The following FAM193A variants were observed in gnomAD, a reference collection of about 807,000 sequenced individuals.
FAM193A encodes protein FAM193A.
In FAM193A, 22 loss-of-function variants were observed where a neutral mutation model predicts 126.5. The ratio of observed to expected loss-of-function variants is 0.17; its 90% CI spans 0.12 to 0.25. FAM193A has a LOEUF of 0.25. FAM193A is among the 10% of genes least tolerant of loss of function. FAM193A has a pLI of 1.00. For synonymous variants in FAM193A, 761 were observed against 646.8 expected (o/e 1.18, Z -2.68); for missense variants, 1,675 against 1,672.8 (o/e 1.00, Z -0.02).
At chr4:2,698,318 C>T (rs543233499) in intron 18 of FAM193A, among the ~76,000 whole-genome samples, 6 of 152,302 alleles carry the variant, frequency 3.9e-5, no homozygotes, top group Admixed American at 3.9e-4. Flanking sequence ...GAGAGGATGC[C>T]AACTGGCCAG....
chr4:2,565,103 G>A (rs1272570963), intron 1 of FAM193A, among the ~76,000 whole-genome samples: 1 of 151,932 alleles, frequency 6.6e-6, no homozygotes, highest in Non-Finnish European at 1.5e-5. Flanking sequence ...ACCTGGCTAC[G>A]TGGGTATTTT....
chr4:2,629,092 G>A (rs1212480326), intron 4 of FAM193A, among the ~76,000 whole-genome samples: 1 of 151,858 alleles, frequency 6.6e-6, no homozygotes, highest in Admixed American at 6.6e-5. Flanking sequence ...CTCCCAAAGT[G>A]CTGGGATTAT....
At chr4:2,649,677 G>GA (rs1161458731) in intron 7 of FAM193A, among the ~76,000 whole-genome samples, 1 of 151,968 alleles carries the variant, frequency 6.6e-6, no homozygotes, top group Non-Finnish European at 1.5e-5. Context: ...CTCAAAAAAT[G>GA]AAAAAAATAT....
intron 13 of FAM193A, among the ~76,000 whole-genome samples, chr4:2,689,084 A>G (rs1013927624): frequency 2.6e-5 from 4 of 152,254 alleles, no homozygotes; most frequent in Non-Finnish European, 5.9e-5. Flanking sequence ...TGGGTATAAG[A>G]GGTCAGTGTA....
chr4:2,554,576 T>A (rs962147735), intron 1 of FAM193A, among the ~76,000 whole-genome samples: 1 of 152,216 alleles, frequency 6.6e-6, no homozygotes, highest in African/African-American at 2.4e-5. Context: ...TTAGATCCAG[T>A]TGGCTGATAG....
chr4:2,589,347 G>A (rs1027267333), intron 1 of FAM193A, among the ~76,000 whole-genome samples: 3 of 152,150 alleles, frequency 2.0e-5, no homozygotes, highest in Non-Finnish European at 4.4e-5. Flanking sequence ...AAAAACAGTT[G>A]CAGTTTTCAT....
At chr4:2,725,142 G>A (rs1465179400) in intron 20 of FAM193A, among the ~76,000 whole-genome samples, 1 of 151,988 alleles carries the variant, frequency 6.6e-6, no homozygotes, top group Non-Finnish European at 1.5e-5. Flanking sequence ...GCCTCCCAAA[G>A]TGCTGGGATT....
intron 9 of FAM193A, 29 bp downstream of exon 9, chr4:2,659,699 C>G: frequency 6.2e-7 from 1 of 1,610,590 alleles, no homozygotes; most frequent in South Asian, 1.1e-5. Context: ...GTCAGCACGA[C>G]TGGCCCATTG....
chr4:2,604,791 CTTTTTT>C (rs869148370), intron 2 of FAM193A, among the ~76,000 whole-genome samples: 3,675 of 99,598 alleles, frequency 0.037, 46 homozygotes, highest in South Asian at 0.078. Flanking sequence ...TTTCTTTTTC[CTTTTTT>C]TTTTTTTTTT....
At chr4:2,717,454 G>A (rs1337307727) in intron 20 of FAM193A, among the ~76,000 whole-genome samples, 1 of 151,972 alleles carries the variant, frequency 6.6e-6, no homozygotes, top group Non-Finnish European at 1.5e-5. Context: ...AAATTACCTG[G>A]ACGTGGTGAC....
chr4:2,703,183 G>A (rs55993221), intron 19 of FAM193A, among the ~76,000 whole-genome samples: 2 of 151,998 alleles, frequency 1.3e-5, no homozygotes, highest in Non-Finnish European at 2.9e-5. Flanking sequence ...TAAAGTGTAC[G>A]ATGATTTCTG....
intron 2 of FAM193A, among the ~76,000 whole-genome samples, chr4:2,617,229 G>T (rs1218923592): frequency 2.6e-5 from 2 of 76,954 alleles, no homozygotes; most frequent in Non-Finnish European, 4.6e-5. Flanking sequence ...TTGGTCAGAA[G>T]TATGTTTTTA....
At chr4:2,659,706 A>G (rs761440733) in intron 9 of FAM193A, 36 bp downstream of exon 9, 4 of 1,611,646 alleles carry the variant, frequency 2.5e-6, no homozygotes, top group Non-Finnish European at 8.5e-7. Flanking sequence ...CGACTGGCCC[A>G]TTGGACCTTC....
At chr4:2,628,642 C>CA (rs1293977826) in intron 4 of FAM193A, among the ~76,000 whole-genome samples, 2 of 151,786 alleles carry the variant, frequency 1.3e-5, no homozygotes, top group Admixed American at 1.3e-4. Context: ...AAGAAAAACA[C>CA]AAAAAAACAA....
intron 7 of FAM193A, 97 bp from the exon 8 acceptor site, chr4:2,657,706 A>G: frequency 4.1e-6 from 3 of 738,218 alleles, no homozygotes; most frequent in Non-Finnish European, 6.9e-6. Context: ...TCTCATATAT[A>G]TCATTTTAAG....
chr4:2,629,219 CA>C (rs150200524), intron 4 of FAM193A, among the ~76,000 whole-genome samples: 79 of 135,756 alleles, frequency 5.8e-4, no homozygotes, highest in East Asian at 6.3e-4. Context: ...CAGAAATAGA[CA>C]AAAAAAAAAA....
At chr4:2,706,291 C>CTTTTTTTTTTT (rs59143784) in intron 19 of FAM193A, among the ~76,000 whole-genome samples, 17 of 108,616 alleles carry the variant, frequency 1.6e-4, no homozygotes, top group South Asian at 3.1e-4. Flanking sequence ...TTCTTTCTTT[C>CTTTTTTTTTTT]TTTTTTTTTT....
chr4:2,635,866 T>C (rs748010506), intron 5 of FAM193A, among the ~76,000 whole-genome samples: 2 of 152,162 alleles, frequency 1.3e-5, no homozygotes, highest in South Asian at 4.1e-4. Context: ...AGTGGGTCAC[T>C]CACACCTCTC....
At position 2,693,650 on chromosome 4, in the gene FAM193A, T is replaced by C. The variant is rs2109279483; in HGVS notation, c.2868T>C (p.Asn956=). Reference sequence around the variant, plus strand: ...ACTCGGCCCCAGCCGCCCCGAGGAATAGCCCCACGGGCTTGGCCCCCCTCC... The same window carrying C: ...ACTCGGCCCCAGCCGCCCCGAGGAACAGCCCCACGGGCTTGGCCCCCCTCC... ...HRHSAPAAPR[N]SPTGLAPLPA... Residue 956 remains asparagine (N), a synonymous_variant, in exon 16 of 21, where the codon AAT becomes AAC. Transcript: ENST00000637812. 1.9e-6 allele frequency: 3 copies of C among 1,614,162 alleles called. No homozygotes were observed. The South Asian group carries it at 3.3e-5, about 18-fold the overall frequency.
Sources: gnomAD v4.1 joint callset for allele counts (sites outside exome capture counted in the v4.1 genomes callset) on GRCh38, gnomAD v4.1.1 for gene constraint, MANE v1.5 for transcripts, NCBI Gene and HGNC (gene_info 2026-07-23, HGNC 2026-07-21) for gene names.